ZNF385C: variants seen among roughly 807,000 people sequenced by gnomAD.
ZNF385C encodes the protein zinc finger protein 385C.
A neutral mutation model predicts 35.4 loss-of-function variants in ZNF385C; 28 were observed. The ratio of observed to expected loss-of-function variants is 0.79; its 90% CI spans 0.59 to 1.08. The LOEUF (loss-of-function observed/expected upper bound fraction) is 1.08. Ranked by LOEUF, ZNF385C falls within the 50% of genes least tolerant of loss-of-function variation. The pLI is 0.00. For synonymous variants in ZNF385C, 248 were observed against 248.2 expected, an observed-to-expected ratio of 1.00 and a Z score of 0.01; for missense variants, 605 against 595.6, an observed-to-expected ratio of 1.02 and a Z score of -0.16.
rs567064081 is a variant in ZNF385C, at chr17:42,076,033, C to T, written c.-2-12975G>A. Among the ~76,000 whole-genome samples the T allele has an allele frequency of 3.0e-4, 45 of 152,222 alleles. No homozygotes were observed. In the South Asian group the frequency reaches 4.4e-3, roughly 15 times the overall value. ...CCCCCGAGTGAATGGTAGTTTCCTG[C>T]GCTGGGAGGCCCAGACCGTATGTTT... On this transcript the variant is annotated intron_variant, in intron 1 of 8. Coordinates refer to ENST00000692273, the MANE Select transcript of ZNF385C (RefSeq NM_001392013.1).
intron 1 of ZNF385C, among the ~76,000 whole-genome samples, chr17:42,066,995 G>A (rs1296365438): frequency 2.0e-5 from 3 of 152,172 alleles, no homozygotes; most frequent in Admixed American, 6.6e-5. Context: ...CTTGAACCTG[G>A]GAGGCAGAGG....
chr17:42,038,171 C>A, intron 2 of ZNF385C: 1 of 1,125,888 alleles, frequency 8.9e-7, no homozygotes. Flanking sequence ...GGCAGCCCAG[C>A]CAAGAGAGGG....
At chr17:42,063,203 C>T (rs2053491196) in intron 1 of ZNF385C, 145 bp from the exon 2 acceptor site, 5 of 477,208 alleles carry the variant, frequency 1.0e-5, no homozygotes, top group South Asian at 3.7e-5. Context: ...GGTGGAAGGG[C>T]GCATAATGGG....
intron 1 of ZNF385C, among the ~76,000 whole-genome samples, chr17:42,064,585 A>G (rs1486584277): frequency 6.6e-6 from 1 of 152,036 alleles, no homozygotes; most frequent in African/African-American, 2.4e-5. Context: ...TTCAAGATGG[A>G]GTCTCGCTGT....
intron 2 of ZNF385C, chr17:42,041,317 T>C (rs1338624256): frequency 6.2e-6 from 5 of 812,266 alleles, no homozygotes; most frequent in Non-Finnish European, 8.3e-6. Context: ...GGACTAATCC[T>C]GGCTTTGCCA....
intron 7 of ZNF385C, 154 bp from the exon 8 acceptor site, chr17:42,027,882 G>A (rs1351423591): frequency 2.5e-6 from 3 of 1,181,528 alleles, no homozygotes; most frequent in African/African-American, 3.1e-5. Flanking sequence ...GGGAAGGGGA[G>A]GTGAGTCTTG....
At chr17:42,064,147 G>T (rs1168677155) in intron 1 of ZNF385C, among the ~76,000 whole-genome samples, 3 of 145,974 alleles carry the variant, frequency 2.1e-5, no homozygotes, top group Non-Finnish European at 4.5e-5. Flanking sequence ...CCCTCAAGTG[G>T]CCCCTCCAGG....
intron 1 of ZNF385C, among the ~76,000 whole-genome samples, chr17:42,081,326 A>G (rs1296589537): frequency 2.0e-5 from 3 of 152,124 alleles, no homozygotes; most frequent in Non-Finnish European, 4.4e-5. Context: ...GTTTTTGGCC[A>G]CAACCACTCA....
intron 1 of ZNF385C, among the ~76,000 whole-genome samples, chr17:42,066,471 C>T (rs2053547895): frequency 6.6e-6 from 1 of 152,104 alleles, no homozygotes; most frequent in Non-Finnish European, 1.5e-5. Context: ...TCTGTTACCC[C>T]ATCGTTTGTT....
intron 2 of ZNF385C, 21 bp from the exon 3 acceptor site, chr17:42,037,906 G>A (rs1244350249): frequency 6.5e-7 from 1 of 1,538,540 alleles, no homozygotes; most frequent in Non-Finnish European, 8.8e-7. Context: ...AAGAAGGGCA[G>A]GGTCTGAAAT....
chr17:42,081,460 C>T (rs1402819655), intron 1 of ZNF385C, among the ~76,000 whole-genome samples: 4 of 152,198 alleles, frequency 2.6e-5, no homozygotes, highest in East Asian at 1.9e-4. Flanking sequence ...AATCTCTGCT[C>T]ACTGAAACCT....
Position 42,063,949 on chromosome 17 carries a change from G to A in ZNF385C, c.-2-891C>T, listed in dbSNP as rs2053505065. ...CACGTGGCTCCAGATGCCCCCTGCT[G>A]TCTTGGCAACCGAGGCCGAGGCAAC... On this transcript the variant is annotated intron_variant, in intron 1 of 8. Coordinates refer to ENST00000692273, the MANE Select transcript of ZNF385C (RefSeq NM_001392013.1). Among the ~76,000 whole-genome samples the A allele has an allele frequency of 2.6e-5, 4 of 152,240 alleles. 1 individual carries two copies. The South Asian group carries it at 8.3e-4, about 32-fold the overall frequency.
intron 3 of ZNF385C, among the ~76,000 whole-genome samples, chr17:42,035,118 C>CAAAAAAAAA (rs1239388932): frequency 2.5e-5 from 2 of 81,484 alleles, no homozygotes; most frequent in Non-Finnish European, 4.3e-5. Context: ...GACTCTGTCT[C>CAAAAAAAAA]AAAAAAAAAA....
At chr17:42,053,873 G>T (rs929210782) in intron 2 of ZNF385C, among the ~76,000 whole-genome samples, 10 of 152,086 alleles carry the variant, frequency 6.6e-5, no homozygotes, top group East Asian at 1.9e-4. Context: ...AGGCACCACC[G>T]CGGAGTGCAG....
At chr17:42,043,046 G>A in intron 2 of ZNF385C, 1 of 1,232,320 alleles carries the variant, frequency 8.1e-7, no homozygotes, top group Admixed American at 4.2e-5. Flanking sequence ...GTCGTAGCCA[G>A]GCCTGGGCAG....
intron 4 of ZNF385C, among the ~76,000 whole-genome samples, chr17:42,032,204 G>A (rs2052746883): frequency 6.6e-6 from 1 of 152,156 alleles, no homozygotes; most frequent in African/African-American, 2.4e-5. Flanking sequence ...GGGACTACAG[G>A]CGCCCGCCAC....
chr17:42,037,801 T>C lies in ZNF385C; in HGVS notation c.335A>G (p.Lys112Arg), dbSNP rs1406560295. ...TRPLQPPLDF[K>R]HLLAFHFNGA... ...ATTGAAGTGGAAGGCGAGCAAGTGC[T>C]TGAAGTCCAGCGGGGGCTGCAGAGG... The change falls in exon 3 of 9, where the codon AAG becomes AGG. Residue 112 changes from lysine to arginine, a missense_variant. Coordinates refer to ENST00000692273, the MANE Select transcript of ZNF385C (RefSeq NM_001392013.1). The C allele has an allele frequency of 8.5e-6, 13 of 1,529,226 alleles. No homozygotes were observed. The highest frequency in any genetic ancestry group is 1.1e-5 in the Non-Finnish European group (13 of 1,137,192). 94.7% of individuals were successfully genotyped at this position (1,529,226 alleles called of 1,614,324 possible). A position where few individuals can be genotyped will look rare whatever the true frequency, so the allele number is the denominator to read the frequency against.
At chr17:42,038,255 T>C (rs1289158849) in intron 2 of ZNF385C, 8 of 555,176 alleles carry the variant, frequency 1.4e-5, no homozygotes, top group Admixed American at 1.1e-4. Flanking sequence ...TTCCATTTTA[T>C]TGCAAATTAA....
intron 2 of ZNF385C, among the ~76,000 whole-genome samples, chr17:42,057,411 A>G (rs2053393299): frequency 6.6e-6 from 1 of 151,978 alleles, no homozygotes; most frequent in Admixed American, 6.6e-5. Flanking sequence ...CTGGCTCAAC[A>G]TCTGTATCAG....
Sources: allele counts gnomAD v4.1 joint callset (sites outside exome capture counted in the v4.1 genomes callset), GRCh38; gene constraint gnomAD v4.1.1; transcripts MANE v1.5; gene names NCBI Gene and HGNC (gene_info 2026-07-23, HGNC 2026-07-21).